Variants in NOX5 observed in about 807,000 individuals in gnomAD.
NOX5 encodes NADPH oxidase 5, also known as NADPH oxidase, EF-hand calcium binding domain 5.
Under a neutral mutation model 85.7 loss-of-function variants are expected in NOX5, and 76 were observed. The ratio of observed to expected loss-of-function variants is 0.89; its 90% confidence interval spans 0.74 to 1.07. The LOEUF is 1.07. NOX5 is among the 50% of genes least tolerant of loss of function. The pLI is 0.00. For missense variants in NOX5, 973 were observed against 999.5 expected, an observed-to-expected ratio of 0.97 and a Z score of 0.36; for synonymous variants, 405 against 401.4, an observed-to-expected ratio of 1.01 and a Z score of -0.11.
intron 1 of NOX5, among the ~76,000 whole-genome samples, chr15:69,020,896 G>T (rs1419171936): frequency 6.6e-6 from 1 of 151,844 alleles, no homozygotes; most frequent in Non-Finnish European, 1.5e-5. Context: ...ACTTTATCAG[G>T]TGCTTCCTTA....
At chr15:69,032,531 C>T (rs1198230790) in intron 4 of NOX5, among the ~76,000 whole-genome samples, 1 of 152,018 alleles carries the variant, frequency 6.6e-6, no homozygotes, top group Non-Finnish European at 1.5e-5. Context: ...CTGACTCATC[C>T]TCCCGAGTAG....
chr15:69,019,428 G>A (rs1182991827), intron 1 of NOX5, among the ~76,000 whole-genome samples: 3 of 152,192 alleles, frequency 2.0e-5, no homozygotes, highest in Non-Finnish European at 2.9e-5. Context: ...TTACAATTGG[G>A]AGAAACGGAA....
chr15:69,035,388 G>A lies in NOX5; in HGVS notation c.890G>A (p.Arg297Gln), dbSNP rs1048138065. ...LMLRRCLTWL[R>Q]ATWLAQVLPL... is the part of the protein sequence containing the mutation. Reference sequence around the variant, plus strand: ...CTCAGACGCTGCCTCACCTGGCTGCGGGCCACGTGGCTGGCTCAAGTCCTA... The same window carrying A: ...CTCAGACGCTGCCTCACCTGGCTGCAGGCCACGTGGCTGGCTCAAGTCCTA... The change falls in exon 6 of 16, where the codon CGG becomes CAG. Residue 297 changes from arginine to glutamine, a missense_variant. Transcript: ENST00000388866. The A allele has an allele frequency of 7.4e-6, 12 of 1,614,024 alleles. No homozygotes were observed. Among genetic ancestry groups the A allele is most frequent in the South Asian group, 1.1e-5 (1 of 91,072 alleles).
intron 5 of NOX5, among the ~76,000 whole-genome samples, chr15:69,033,704 T>A: frequency 6.7e-6 from 1 of 148,198 alleles, no homozygotes; most frequent in Admixed American, 6.7e-5. Context: ...TTTTTTTCTT[T>A]TTTTTTTTTT....
intron 14 of NOX5, among the ~76,000 whole-genome samples, chr15:69,051,548 C>A (rs550144876): frequency 6.6e-6 from 1 of 152,030 alleles, no homozygotes; most frequent in Non-Finnish European, 1.5e-5. Flanking sequence ...CCCAGCTAAT[C>A]TCATTTTTTG....
intron 8 of NOX5, 132 bp from the exon 9 acceptor site, chr15:69,038,725 G>A: frequency 7.8e-7 from 1 of 1,275,286 alleles, no homozygotes; most frequent in Admixed American, 2.0e-5. Flanking sequence ...CAGAAGCACA[G>A]AAGAGTGTCA....
intron 1 of NOX5, among the ~76,000 whole-genome samples, chr15:69,024,329 T>C (rs2050330122): frequency 6.6e-6 from 1 of 152,176 alleles, no homozygotes; most frequent in South Asian, 2.1e-4. Flanking sequence ...TTGTTGCCCA[T>C]GGTCAACCAA....
rs535047104 is a variant in NOX5, at chr15:69,027,814, G to A, written c.175-401G>A. Among the ~76,000 whole-genome samples the A allele has an allele frequency of 1.5e-3, 233 of 152,288 alleles. 1 individual carries two copies. The highest frequency in any genetic ancestry group is 0.01 in the South Asian group (49 of 4,824). ...CTTCCCAGATTCACTCATCCCTTGC[G>A]CTCACCCCAAGTGGGGTGAGACAGG... On this transcript the variant is annotated intron_variant, in intron 2 of 15. Transcript: ENST00000388866.
intron 8 of NOX5, chr15:69,038,349 C>T (rs938421314): frequency 5.6e-6 from 1 of 177,696 alleles, no homozygotes; most frequent in African/African-American, 2.4e-5. Context: ...TTTAACCTCT[C>T]TGAGCCTCCT....
chr15:69,039,184 AAGTCTTAC>A (rs1192152788), intron 9 of NOX5, among the ~76,000 whole-genome samples, 195 bp downstream of exon 9: 1 of 152,230 alleles, frequency 6.6e-6, no homozygotes, highest in Non-Finnish European at 1.5e-5. Context: ...AGCTGCACTG[AAGTCTTAC>A]AGGGAGGGCC....
chr15:69,022,145 A>G (rs115568906), intron 1 of NOX5: 1,645 of 155,360 alleles, frequency 0.011, 35 homozygotes, highest in African/African-American at 0.038. Context: ...GGTTAAACCC[A>G]AGTGCTATTA....
chr15:69,039,093 AAC>A, intron 9 of NOX5, 104 bp downstream of exon 9: 1 of 1,318,114 alleles, frequency 7.6e-7, no homozygotes, highest in South Asian at 1.2e-5. Context: ...CAAGGCCAGA[AAC>A]ACAAAGTCAG....
In NOX5 at chr15:69,060,409, A is replaced by G. The variant is rs536339812; in HGVS notation, c.*3713A>G. 3 of 152,246 alleles carry G rather than the reference A, an allele frequency of 2.0e-5. No homozygotes were observed. In the South Asian group the frequency reaches 6.2e-4, roughly 32 times the overall value. The allele number at this position is 152,246 out of a possible 1,614,324, so 9.4% of individuals were successfully genotyped here. A position where few individuals can be genotyped will look rare whatever the true frequency, so the allele number is the denominator to read the frequency against. On this transcript the variant is annotated 3_prime_UTR_variant, in exon 16 of 16. Coordinates refer to ENST00000388866, the MANE Select transcript of NOX5 (RefSeq NM_024505.4). ...TGAGTCCTACACTTGCCTCTGCCAC[A>G]GTCTGCTGTGTGACCTTGGGTGTAT...
rs768194419 is a variant in NOX5, at chr15:69,038,828, A to G, written c.1372-29A>G. ...CCCTGGTGGCTTTGGGCCTGCAGGA[A>G]TGATGCAGATCTCCTTCCTCTTTCC... On this transcript the variant is annotated intron_variant, in intron 8 of 15. Transcript: ENST00000388866. 26 of 1,614,018 alleles carry G rather than the reference A, an allele frequency of 1.6e-5. No homozygotes were observed. The Admixed American group carries it at 4.3e-4, about 27-fold the overall frequency.
At chr15:69,023,088 C>T in intron 1 of NOX5, 1 of 424,276 alleles carries the variant, frequency 2.4e-6, no homozygotes. Context: ...CAATAATAAC[C>T]CTGCAGACTT....
intron 12 of NOX5, 76 bp from the exon 13 acceptor site, chr15:69,047,754 G>A: frequency 1.3e-6 from 2 of 1,507,442 alleles, no homozygotes; most frequent in African/African-American, 1.4e-5. Context: ...CTTGCTCCCT[G>A]TCCCCTGAAC....
chr15:69,032,012 C>T (rs968548657), intron 4 of NOX5, among the ~76,000 whole-genome samples, 200 bp downstream of exon 4: 1 of 150,978 alleles, frequency 6.6e-6, no homozygotes, highest in Non-Finnish European at 1.5e-5. Flanking sequence ...GCAGAATCAA[C>T]TCAAGGTCTG....
chr15:69,048,007 T>A, intron 13 of NOX5, 96 bp downstream of exon 13: 1 of 1,049,490 alleles, frequency 9.5e-7, no homozygotes, highest in Non-Finnish European at 1.5e-6. Flanking sequence ...TGGGAGCGGA[T>A]AGGTGATCCC....
At position 69,047,437 on chromosome 15, in the gene NOX5, A is replaced by AC. The variant is rs763035200; in HGVS notation, c.1722dup (p.Thr575HisfsTer8). ...GTGCTACATCGATGGGCCTTATGGG[A>AC]CCCCCACCCGCAGGATCTTTGCCTC... On this transcript the variant is annotated frameshift_variant, in exon 12 of 16. Coordinates refer to ENST00000388866, the MANE Select transcript of NOX5 (RefSeq NM_024505.4). LOFTEE classifies it high-confidence loss of function. 7.4e-6 allele frequency: 12 copies of AC among 1,613,234 alleles called. No homozygotes were observed. Among genetic ancestry groups the AC allele is most frequent in the Non-Finnish European group, 9.3e-6 (11 of 1,179,780 alleles).
Sources: allele counts gnomAD v4.1 joint callset (sites outside exome capture counted in the v4.1 genomes callset), GRCh38; gene constraint gnomAD v4.1.1; transcripts MANE v1.5; gene names NCBI Gene and HGNC (gene_info 2026-07-23, HGNC 2026-07-21).